The following HEPH variants were observed in gnomAD, a reference collection of about 807,000 sequenced individuals.
HEPH encodes hephaestin.
In HEPH, 69 loss-of-function variants were observed where a neutral mutation model predicts 80.8. The ratio of observed to expected loss-of-function variants is 0.85; its 90% CI spans 0.70 to 1.04. The LOEUF (loss-of-function observed/expected upper bound fraction) is 1.04, where lower values mean the gene tolerates loss of function less well. Ranked by LOEUF, HEPH falls within the 50% of genes least tolerant of loss-of-function variation. The probability of loss-of-function intolerance (pLI) is 0.00; values close to 1 mark genes in which losing one functional copy is unlikely to be tolerated. For missense variants in HEPH, 1,115 were observed against 891.3 expected, an observed-to-expected ratio of 1.25 and a Z score of -3.20; for synonymous variants, 431 against 322.8, an observed-to-expected ratio of 1.34 and a Z score of -3.60.
At chrX:66,258,164 T>G (rs1456946580) in intron 17 of HEPH, among the ~76,000 whole-genome samples, 1 of 111,621 alleles carries the variant, frequency 9.0e-6, no homozygotes, top group Non-Finnish European at 1.9e-5. Flanking sequence ...TAGGAACCTA[T>G]AGTCTAATTG....
At chrX:66,259,492 G>C (rs185994832) in intron 18 of HEPH, among the ~76,000 whole-genome samples, 2 of 111,857 alleles carry the variant, frequency 1.8e-5, no homozygotes, top group African/African-American at 6.5e-5. Context: ...AACTTTATTT[G>C]AATCAATTTC....
At chrX:66,194,406 A>G (rs777964728) in intron 8 of HEPH, among the ~76,000 whole-genome samples, 17 of 111,388 alleles carry the variant, frequency 1.5e-4, no homozygotes, top group African/African-American at 4.9e-4. Flanking sequence ...GAGGTGAAAC[A>G]TTAGATGTGG....
intron 15 of HEPH, among the ~76,000 whole-genome samples, chrX:66,243,074 C>T (rs1046955875): frequency 3.6e-5 from 4 of 111,682 alleles, no homozygotes; most frequent in African/African-American, 1.3e-4. Context: ...ATATTCATCA[C>T]AGCACTTTTC....
At chrX:66,244,634 T>C (rs1324419857) in intron 15 of HEPH, among the ~76,000 whole-genome samples, 2 of 111,714 alleles carry the variant, frequency 1.8e-5, no homozygotes, top group Admixed American at 9.6e-5. Flanking sequence ...CTATCCATAC[T>C]CTGAATTTTA....
At chrX:66,241,134 A>G (rs959560224) in intron 15 of HEPH, among the ~76,000 whole-genome samples, 2 of 112,243 alleles carry the variant, frequency 1.8e-5, no homozygotes, top group Non-Finnish European at 3.8e-5. Context: ...ATAAAAAACC[A>G]CTACCATCCA....
At chrX:66,224,710 A>G (rs1436982321) in intron 15 of HEPH, among the ~76,000 whole-genome samples, 1 of 112,061 alleles carries the variant, frequency 8.9e-6, no homozygotes, top group Non-Finnish European at 1.9e-5. Context: ...ACAAAGTGGT[A>G]TTGGAGTGTT....
At chrX:66,202,316 G>T (rs2088504031) in intron 12 of HEPH, among the ~76,000 whole-genome samples, 2 of 111,911 alleles carry the variant, frequency 1.8e-5, no homozygotes, top group Non-Finnish European at 3.8e-5. Context: ...TGTGTGGGAG[G>T]TGGAACTGGA....
Position 66,170,453 on chromosome X carries a change from T to C in HEPH, c.-13-105T>C, listed in dbSNP as rs2272888. 8.0e-4 allele frequency: 522 copies of C among 654,702 alleles called. 9 individuals are homozygous for C. The East Asian group carries it at 0.018, about 23-fold the overall frequency. 54.0% of individuals were successfully genotyped at this position (654,702 alleles called of 1,213,427 possible). A position where few individuals can be genotyped will look rare whatever the true frequency, so the allele number is the denominator to read the frequency against. On this transcript the variant is annotated intron_variant, in intron 1 of 20. Transcript: ENST00000343002. ...ACTGGGCTAAATGGGTTTTGCTTTC[T>C]CAGTCACTCAACCTGGCTCTTGCCT... is the stretch of plus-strand genomic sequence containing the variant.
intron 4 of HEPH, among the ~76,000 whole-genome samples, chrX:66,186,656 C>T (rs750228782): frequency 6.3e-5 from 7 of 111,660 alleles, no homozygotes; most frequent in South Asian, 7.5e-4. Context: ...AGAAATCACC[C>T]GTCTTCTGCG....
intron 19 of HEPH, among the ~76,000 whole-genome samples, chrX:66,261,225 T>C (rs750654117): frequency 4.3e-4 from 48 of 112,281 alleles, no homozygotes; most frequent in Non-Finnish European, 7.7e-4. Context: ...TTTTTGAATA[T>C]CTTCATCTAA....
intron 1 of HEPH, among the ~76,000 whole-genome samples, chrX:66,164,913 GA>G (rs2086293034): frequency 8.9e-6 from 1 of 112,115 alleles, no homozygotes; most frequent in Non-Finnish European, 1.9e-5. Context: ...CTAAACATCT[GA>G]ATTTGAGTAG....
At chrX:66,224,796 C>T (rs1051654253) in intron 15 of HEPH, among the ~76,000 whole-genome samples, 6 of 111,278 alleles carry the variant, frequency 5.4e-5, no homozygotes, top group African/African-American at 2.0e-4. Context: ...GAATAGGGTA[C>T]ACTTTTTTTT....
chrX:66,168,522 A>C (rs994538113), intron 1 of HEPH, among the ~76,000 whole-genome samples: 1 of 111,853 alleles, frequency 8.9e-6, no homozygotes, highest in African/African-American at 3.2e-5. Context: ...AAAGGACCCC[A>C]AAACAGATCC....
chrX:66,193,875 T>G (rs1369453318), intron 8 of HEPH, among the ~76,000 whole-genome samples: 1 of 112,229 alleles, frequency 8.9e-6, no homozygotes, highest in African/African-American at 3.2e-5. Context: ...GCCTTAGGTT[T>G]ATTTTTGTTT....
rs2089710117 is a variant in HEPH, at chrX:66,222,828, T to A, written c.2563+14582T>A. Among the ~76,000 whole-genome samples, 4 of 112,197 alleles carry A rather than the reference T, an allele frequency of 3.6e-5. No individual in the cohort carries two copies. The South Asian group carries it at 1.5e-3, about 42-fold the overall frequency. On this transcript the variant is annotated intron_variant, in intron 15 of 20. Coordinates refer to ENST00000343002, the MANE Select transcript of HEPH (RefSeq NM_001367233.3). ...CCCACAGGGTATAACAAGGCAAGCA[T>A]TAAATACAATAGTTTGAGGCAAAAT... is the stretch of plus-strand genomic sequence containing the variant.
At chrX:66,254,664 G>A (rs951089310) in intron 15 of HEPH, among the ~76,000 whole-genome samples, 2 of 110,495 alleles carry the variant, frequency 1.8e-5, no homozygotes, top group African/African-American at 3.3e-5. Context: ...GAAGAGAACT[G>A]AGACAGAACT....
chrX:66,249,063 A>C (rs776365852), intron 15 of HEPH, among the ~76,000 whole-genome samples: 1 of 111,732 alleles, frequency 8.9e-6, no homozygotes, highest in African/African-American at 3.2e-5. Flanking sequence ...TAGAAAAACA[A>C]ACTTTTCTGA....
chrX:66,249,798 C>A (rs1248585704), intron 15 of HEPH, among the ~76,000 whole-genome samples: 2 of 111,512 alleles, frequency 1.8e-5, no homozygotes, highest in Non-Finnish European at 3.8e-5. Flanking sequence ...AGATTCCCAA[C>A]AATTTGCATT....
chrX:66,186,318 A>T (rs1387219098), intron 4 of HEPH, among the ~76,000 whole-genome samples: 1 of 106,002 alleles, frequency 9.4e-6, no homozygotes, highest in Non-Finnish European at 2.0e-5. Context: ...GCCGCCTTGC[A>T]GTTTGATCTC....
Sources: gnomAD v4.1 joint callset for allele counts (sites outside exome capture counted in the v4.1 genomes callset) on GRCh38, gnomAD v4.1.1 for gene constraint, MANE v1.5 for transcripts, NCBI Gene and HGNC (gene_info 2026-07-23, HGNC 2026-07-21) for gene names.